ATF7IP2: variants seen among roughly 807,000 people sequenced by gnomAD.
The protein encoded by ATF7IP2 is activating transcription factor 7-interacting protein 2.
ATF7IP2 carries 42 observed loss-of-function variants against 64.2 expected under a neutral mutation model. The observed-to-expected ratio is 0.65, with a 90% CI of 0.51 to 0.85. The LOEUF (loss-of-function observed/expected upper bound fraction) is 0.85. ATF7IP2 is among the 40% of genes least tolerant of loss of function. The pLI, the probability that ATF7IP2 is intolerant of heterozygous loss-of-function variation, is 0.00. For synonymous variants in ATF7IP2, 308 were observed against 272.8 expected (o/e 1.13, Z -1.27); for missense variants, 933 against 784.2 (o/e 1.19, Z -2.27).
intron 12 of ATF7IP2, among the ~76,000 whole-genome samples, chr16:10,479,901 G>A (rs1241108110): frequency 7.0e-6 from 1 of 142,632 alleles, no homozygotes; most frequent in Non-Finnish European, 1.5e-5. Flanking sequence ...ATGTAAATTA[G>A]TTCCACCATT....
At chr16:10,459,363 G>A (rs1348483787) in intron 9 of ATF7IP2, among the ~76,000 whole-genome samples, 1 of 152,056 alleles carries the variant, frequency 6.6e-6, no homozygotes, top group African/African-American at 2.4e-5. Flanking sequence ...AGCTACTCAG[G>A]AGGCTGAGGC....
chr16:10,444,114 C>G (rs1384386747), intron 8 of ATF7IP2, among the ~76,000 whole-genome samples: 1 of 152,112 alleles, frequency 6.6e-6, no homozygotes, highest in African/African-American at 2.4e-5. Context: ...TAGGTCCCCA[C>G]AGGGCATAAC....
intron 9 of ATF7IP2, among the ~76,000 whole-genome samples, chr16:10,460,491 A>G (rs967034456): frequency 1.3e-5 from 2 of 152,224 alleles, no homozygotes; most frequent in Non-Finnish European, 2.9e-5. Context: ...ATAGCATAGC[A>G]TGAGATTGGC....
intron 5 of ATF7IP2, among the ~76,000 whole-genome samples, chr16:10,432,739 G>C (rs950790909): frequency 6.6e-6 from 1 of 152,174 alleles, no homozygotes; most frequent in Non-Finnish European, 1.5e-5. Context: ...AGGCGTGGTG[G>C]TGGGCACCTA....
At chr16:10,431,820 C>CTTTTTTTTTTTT (rs35046235) in intron 5 of ATF7IP2, among the ~76,000 whole-genome samples, 1 of 113,298 alleles carries the variant, frequency 8.8e-6, no homozygotes, top group African/African-American at 3.6e-5. Context: ...AACCCTATTT[C>CTTTTTTTTTTTT]TTTTTTTTTT....
At chr16:10,471,443 G>C (rs558497833) in intron 9 of ATF7IP2, among the ~76,000 whole-genome samples, 1 of 152,012 alleles carries the variant, frequency 6.6e-6, no homozygotes, top group African/African-American at 2.4e-5. Flanking sequence ...CAGGAGAATC[G>C]CTTGAACCTG....
intron 1 of ATF7IP2, among the ~76,000 whole-genome samples, chr16:10,403,837 A>G (rs1273907994): frequency 1.3e-5 from 2 of 152,212 alleles, no homozygotes; most frequent in African/African-American, 4.8e-5. Context: ...TGAAAGCCTC[A>G]AGTATAGATC....
chr16:10,386,467 C>T (rs2047206085), intron 1 of ATF7IP2: 1 of 152,202 alleles, frequency 6.6e-6, no homozygotes, highest in Non-Finnish European at 1.5e-5. Flanking sequence ...TAAAAGCTCG[C>T]TCTTGTCCGG....
intron 7 of ATF7IP2, 134 bp downstream of exon 7, chr16:10,438,369 A>G: frequency 1.2e-6 from 1 of 852,038 alleles, no homozygotes. Flanking sequence ...CTCAGTCTCC[A>G]GAGTAGCTGA....
At chr16:10,441,393 C>G (rs909202134) in intron 8 of ATF7IP2, among the ~76,000 whole-genome samples, 1 of 152,180 alleles carries the variant, frequency 6.6e-6, no homozygotes, top group African/African-American at 2.4e-5. Context: ...ATTCCTATTT[C>G]TGCACATCCT....
At chr16:10,405,383 A>G (rs868627544) in intron 1 of ATF7IP2, among the ~76,000 whole-genome samples, 5 of 152,030 alleles carry the variant, frequency 3.3e-5, no homozygotes, top group Admixed American at 6.6e-5. Flanking sequence ...AAAAAAAAAA[A>G]GTTAATATTC....
At chr16:10,394,944 G>C (rs1423728233) in intron 1 of ATF7IP2, among the ~76,000 whole-genome samples, 1 of 151,966 alleles carries the variant, frequency 6.6e-6, no homozygotes, top group African/African-American at 2.4e-5. Flanking sequence ...GGAACTAGAA[G>C]AACAAACTGA....
chr16:10,441,012 T>C (rs2048600265), intron 8 of ATF7IP2, among the ~76,000 whole-genome samples: 1 of 152,252 alleles, frequency 6.6e-6, no homozygotes, highest in African/African-American at 2.4e-5. Flanking sequence ...TTTGGTTTTC[T>C]GTTCTCGTGT....
chr16:10,430,893 C>G lies in ATF7IP2; in HGVS notation c.273C>G (p.Phe91Leu). 6.2e-7 allele frequency: 1 copy of G among 1,613,866 alleles called. No homozygotes were observed. The highest frequency in any genetic ancestry group is 2.2e-5 in the East Asian group (1 of 44,876). The change falls in exon 5 of 14, where the codon TTC becomes TTG. Residue 91 changes from phenylalanine to leucine, a missense_variant. Physicochemically the swap from Phe to Leu is conservative, Grantham distance 22. Coordinates refer to ENST00000562102, the MANE Select transcript of ATF7IP2 (RefSeq NM_001393719.1). ...KNSISEKSKV[F>L]SQNCIKPVEE... ...CAATATCAGAGAAAAGTAAAGTATT[C>G]TCTCAGAATTGCATAAAACCAGTAG... is the stretch of plus-strand genomic sequence containing the variant.
intron 9 of ATF7IP2, among the ~76,000 whole-genome samples, chr16:10,465,281 A>G (rs73497889): frequency 0.026 from 4,036 of 152,304 alleles, 163 homozygotes; most frequent in African/African-American, 0.09. Flanking sequence ...GTCTCCAGAA[A>G]CTATGCTCTT....
chr16:10,429,088 CTG>C (rs924461527), intron 4 of ATF7IP2, 72 bp downstream of exon 4: 10 of 152,280 alleles, frequency 6.6e-5, no homozygotes, highest in African/African-American at 2.4e-4. Context: ...GGACACAAAA[CTG>C]TAGCAGTGTC....
intron 6 of ATF7IP2, among the ~76,000 whole-genome samples, chr16:10,435,987 A>G (rs2048405914): frequency 6.6e-6 from 1 of 152,200 alleles, no homozygotes; most frequent in Non-Finnish European, 1.5e-5. Flanking sequence ...AGCTTCACAT[A>G]TTGAACCCAG....
Position 10,456,467 on chromosome 16 carries a change from G to C in ATF7IP2, c.1195-905G>C, listed in dbSNP as rs577025572. Among the ~76,000 whole-genome samples, 6 of 152,252 alleles carry C rather than the reference G, an allele frequency of 3.9e-5. No individual in the cohort carries two copies. In the South Asian group the frequency reaches 8.3e-4, roughly 21 times the overall value. ...CTCCCTTTCAGCAGGAAGTTCCCCT[G>C]TTTAGGTTTAGTGTGTAGATCCTGG... On this transcript the variant is annotated intron_variant, in intron 8 of 13. Transcript: ENST00000562102.
chr16:10,479,412 A>G (rs2050133372), intron 12 of ATF7IP2, among the ~76,000 whole-genome samples: 2 of 152,288 alleles, frequency 1.3e-5, no homozygotes, highest in African/African-American at 4.8e-5. Flanking sequence ...CAAAAAACCA[A>G]ACACCACATA....
Sources: gnomAD v4.1 joint callset for allele counts (sites outside exome capture counted in the v4.1 genomes callset) on GRCh38, gnomAD v4.1.1 for gene constraint, MANE v1.5 for transcripts, NCBI Gene and HGNC (gene_info 2026-07-23, HGNC 2026-07-21) for gene names.